The following ARID1B variants were observed in gnomAD, a reference collection of about 807,000 sequenced individuals.
ARID1B encodes AT-rich interactive domain-containing protein 1B.
A neutral mutation model predicts 212.3 loss-of-function variants in ARID1B; 30 were observed. The observed-to-expected ratio is 0.14, with a 90% CI of 0.11 to 0.19. The LOEUF (loss-of-function observed/expected upper bound fraction) is 0.19. Ranked by LOEUF, ARID1B falls within the 10% of genes least tolerant of loss-of-function variation. ARID1B has a pLI of 1.00. For synonymous variants in ARID1B, 1,402 were observed against 1,301.7 expected (o/e 1.08, Z -1.66); for missense variants, 2,891 against 3,204.0 (o/e 0.90, Z 2.36).
intron 8 of ARID1B, chr6:157,152,409 AAAAG>A (rs1790261960): frequency 1.3e-5 from 2 of 152,234 alleles, no homozygotes; most frequent in Admixed American, 6.5e-5. Context: ...AAAAATAAGA[AAAAG>A]AAAAATGTTG....
chr6:156,874,667 C>G (rs1281491845), intron 2 of ARID1B, among the ~76,000 whole-genome samples: 1 of 152,188 alleles, frequency 6.6e-6, no homozygotes, highest in East Asian at 1.9e-4. Flanking sequence ...TCCTCTTACA[C>G]AAACCCCGCC....
rs1792825504 is a variant in ARID1B at position 156,943,443 on chromosome 6, T to C, written c.2247+7867T>C. 4 of 151,120 alleles carry C rather than the reference T, an allele frequency of 2.6e-5. No individual in the cohort carries two copies. The South Asian group carries it at 8.3e-4, about 32-fold the overall frequency. The allele number at this position is 151,120 out of a possible 1,614,324, so 9.4% of individuals were successfully genotyped here. A position where few individuals can be genotyped will look rare whatever the true frequency, so the allele number is the denominator to read the frequency against. On this transcript the variant is annotated intron_variant, in intron 4 of 19. Coordinates refer to ENST00000636930, the MANE Select transcript of ARID1B (RefSeq NM_001374828.1). ...AAGCTGTAAGCCACAAAAAAGTGAC[T>C]AAGCTTTCTCAACTACTTTTCTTCA...
At chr6:157,161,604 T>A (rs1361926058) in intron 8 of ARID1B, among the ~76,000 whole-genome samples, 1 of 152,104 alleles carries the variant, frequency 6.6e-6, no homozygotes, top group Non-Finnish European at 1.5e-5. Flanking sequence ...TAGATACATG[T>A]GTGAGAAGAG....
Position 156,779,470 on chromosome 6 carries a change from A to G in ARID1B, c.1790A>G (p.Gln597Arg). The change falls in exon 1 of 20, where the codon CAG becomes CGG. Residue 597 changes from glutamine (Q) to arginine (R), a missense_variant and splice_region_variant. By Grantham distance (43) the Gln-to-Arg change is conservative (BLOSUM62 1). Coordinates refer to ENST00000636930, the MANE Select transcript of ARID1B (RefSeq NM_001374828.1). ...CCCGGACCGACCATGGGCAGATCCC[A>G]GGTAACCCTCGCGCCAGCCGGGCCT... is the stretch of plus-strand genomic sequence containing the variant. ...GTPGPTMGRS[Q>R]GSPMDPMVMK... 2 of 1,399,006 alleles carry G rather than the reference A, an allele frequency of 1.4e-6. No homozygotes were observed. The highest frequency in any genetic ancestry group is 9.3e-7 in the Non-Finnish European group (1 of 1,070,404). The allele number at this position is 1,399,006 out of a possible 1,614,324, so 86.7% of individuals were successfully genotyped here. A position where few individuals can be genotyped will look rare whatever the true frequency, so the allele number is the denominator to read the frequency against.
intron 12 of ARID1B, among the ~76,000 whole-genome samples, chr6:157,181,597 G>A (rs920540052): frequency 1.3e-5 from 2 of 152,352 alleles, no homozygotes; most frequent in Non-Finnish European, 1.5e-5. Flanking sequence ...AGGTTAGCAG[G>A]AAAATTAAGT....
rs115106422 is a variant in ARID1B at position 156,858,407 on chromosome 6, T to A, written c.1986+28986T>A. 6.1e-3 allele frequency among the ~76,000 whole-genome samples: 935 copies of A among 152,216 alleles called. 9 individuals are homozygous for A. The highest frequency in any genetic ancestry group is 0.015 in the African/African-American group (611 of 41,522). ...GTTCCTAACACAAAGAAATGACAAA[T>A]GTTTGAGGTGATGGATATATTAATT... On this transcript the variant is annotated intron_variant, in intron 2 of 19. Coordinates refer to ENST00000636930, the MANE Select transcript of ARID1B (RefSeq NM_001374828.1).
chr6:156,936,246 G>A (rs2128277046), intron 4 of ARID1B: 1 of 151,282 alleles, frequency 6.6e-6, no homozygotes, highest in South Asian at 2.1e-4. Flanking sequence ...GAATGCTGAG[G>A]CAGGAGAATC....
intron 5 of ARID1B, 95 bp downstream of exon 5, chr6:157,085,000 C>T (rs766551731): frequency 1.4e-6 from 2 of 1,435,074 alleles, no homozygotes; most frequent in South Asian, 2.8e-5. Context: ...TATTTAAAAC[C>T]TAGTGGCCAC....
At chr6:156,843,565 G>T (rs534317652) in intron 2 of ARID1B, among the ~76,000 whole-genome samples, 2 of 152,118 alleles carry the variant, frequency 1.3e-5, no homozygotes, top group East Asian at 1.9e-4. Context: ...ACACCGAGGG[G>T]CACACCTGGG....
intron 11 of ARID1B, among the ~76,000 whole-genome samples, chr6:157,178,494 G>A (rs1792269197): frequency 6.6e-6 from 1 of 152,176 alleles, no homozygotes; most frequent in Admixed American, 6.5e-5. Flanking sequence ...TGAGGCCCTG[G>A]TTCAGCTAAG....
chr6:157,087,746 A>G (rs183973222), intron 5 of ARID1B, among the ~76,000 whole-genome samples: 8 of 152,190 alleles, frequency 5.3e-5, no homozygotes, highest in Admixed American at 5.2e-4. Context: ...TAGGACTGCT[A>G]GAGCTAGCCA....
chr6:156,917,144 T>G (rs1231802765), intron 3 of ARID1B, among the ~76,000 whole-genome samples: 4 of 152,138 alleles, frequency 2.6e-5, no homozygotes, highest in Admixed American at 1.3e-4. Flanking sequence ...ATTTTTTTTT[T>G]AGAGAGTATG....
intron 4 of ARID1B, among the ~76,000 whole-genome samples, chr6:157,039,674 C>CTTCCTTCTTTCTTTCTTTCTTTCT (rs1781641284): frequency 1.7e-4 from 13 of 76,934 alleles, no homozygotes; most frequent in African/African-American, 7.5e-4. Flanking sequence ...TCCTTCCTTC[C>CTTCCTTCTTTCTTTCTTTCTTTCT]TTCCTTCCTT....
chr6:157,009,690 C>T (rs892975935), intron 4 of ARID1B, among the ~76,000 whole-genome samples: 7 of 152,168 alleles, frequency 4.6e-5, no homozygotes, highest in African/African-American at 1.7e-4. Context: ...TGGTAATATT[C>T]ATATTTGTTA....
At chr6:157,126,336 G>A (rs564715223) in intron 6 of ARID1B, among the ~76,000 whole-genome samples, 16 of 152,210 alleles carry the variant, frequency 1.1e-4, no homozygotes, top group African/African-American at 3.1e-4. Context: ...AATGGGAGAC[G>A]CAGCCTCTAA....
chr6:156,990,417 C>T (rs768999554), intron 4 of ARID1B, among the ~76,000 whole-genome samples: 7 of 151,950 alleles, frequency 4.6e-5, no homozygotes, highest in South Asian at 2.1e-4. Flanking sequence ...CCAAGGCAGG[C>T]GGATCACAAG....
At chr6:156,813,121 T>TGAGACGGAG (rs1781724462) in intron 1 of ARID1B, among the ~76,000 whole-genome samples, 1 of 141,228 alleles carries the variant, frequency 7.1e-6, no homozygotes, top group Non-Finnish European at 1.5e-5. Flanking sequence ...TTTTTTTTTT[T>TGAGACGGAG]TGAGACGGAG....
At chr6:156,992,505 C>T (rs1025258445) in intron 4 of ARID1B, among the ~76,000 whole-genome samples, 8 of 152,124 alleles carry the variant, frequency 5.3e-5, no homozygotes, top group Non-Finnish European at 7.3e-5. Context: ...TTTCAGTGTT[C>T]GTGAGCATCT....
intron 3 of ARID1B, among the ~76,000 whole-genome samples, chr6:156,934,952 A>G (rs1185473816): frequency 1.2e-5 from 1 of 83,862 alleles, no homozygotes; most frequent in African/African-American, 4.3e-5. Flanking sequence ...ATATATATAT[A>G]TATATATATA....
Sources: allele counts gnomAD v4.1 joint callset (sites outside exome capture counted in the v4.1 genomes callset), GRCh38; gene constraint gnomAD v4.1.1; transcripts MANE v1.5; gene names NCBI Gene and HGNC (gene_info 2026-07-23, HGNC 2026-07-21).